The following ASTN2 variants were observed in gnomAD, a reference collection of about 807,000 sequenced individuals.
ASTN2 encodes astrotactin-2.
ASTN2 carries 54 observed loss-of-function variants against 139.8 expected under a neutral mutation model. The ratio of observed to expected loss-of-function variants is 0.39; its 90% CI spans 0.31 to 0.48. The LOEUF (loss-of-function observed/expected upper bound fraction) is 0.48. Ranked by LOEUF, ASTN2 falls within the 20% of genes least tolerant of loss-of-function variation. The pLI, the probability that ASTN2 is intolerant of heterozygous loss-of-function variation, is 0.95. For missense variants in ASTN2, 1,565 were observed against 1,725.1 expected (o/e 0.91, Z 1.64); for synonymous variants, 756 against 719.5 (o/e 1.05, Z -0.81).
At chr9:116,997,967 A>G (rs1373374295) in intron 7 of ASTN2, among the ~76,000 whole-genome samples, 1 of 152,204 alleles carries the variant, frequency 6.6e-6, no homozygotes, top group African/African-American at 2.4e-5. Context: ...TCTGCATTGA[A>G]TGGATTAATC....
intron 1 of ASTN2, among the ~76,000 whole-genome samples, chr9:117,332,297 G>A (rs1747571367): frequency 1.3e-5 from 2 of 152,324 alleles, no homozygotes; most frequent in South Asian, 4.1e-4. Context: ...TTGGCTGGGT[G>A]TGGTGGCTCA....
chr9:116,885,452 G>A (rs1263532185), intron 10 of ASTN2, among the ~76,000 whole-genome samples: 1 of 152,136 alleles, frequency 6.6e-6, no homozygotes, highest in East Asian at 1.9e-4. Context: ...GATCACCTGA[G>A]GTCAAGAGTT....
intron 4 of ASTN2, among the ~76,000 whole-genome samples, chr9:117,104,529 G>A (rs914745169): frequency 1.2e-4 from 18 of 152,086 alleles, no homozygotes; most frequent in African/African-American, 3.4e-4. Context: ...CATGATCTAC[G>A]GTTATGAACA....
chr9:117,095,257 T>C (rs1178446731), intron 5 of ASTN2, among the ~76,000 whole-genome samples: 1 of 152,218 alleles, frequency 6.6e-6, no homozygotes, highest in Non-Finnish European at 1.5e-5. Context: ...CCCATCCTTA[T>C]AGACAATCCA....
intron 13 of ASTN2, among the ~76,000 whole-genome samples, chr9:116,761,276 C>T (rs1010587690): frequency 1.3e-5 from 2 of 152,158 alleles, no homozygotes; most frequent in African/African-American, 4.8e-5. Context: ...CATCCCTTGT[C>T]CTGTTGTCTT....
At chr9:117,137,604 C>A (rs572382923) in intron 4 of ASTN2, among the ~76,000 whole-genome samples, 45 of 152,212 alleles carry the variant, frequency 3.0e-4, no homozygotes, top group Admixed American at 1.0e-3. Context: ...TTGAGTTAAA[C>A]AAAGCAGCCT....
chr9:117,153,214 G>A lies in ASTN2; in HGVS notation c.1016-11736C>T, dbSNP rs565175970. Among the ~76,000 whole-genome samples, 4 of 152,100 alleles carry A rather than the reference G, an allele frequency of 2.6e-5. No homozygotes were observed. In the East Asian group the frequency reaches 7.8e-4, roughly 29 times the overall value. ...TCTGACACCACCAAGAGGAAGGCTT[G>A]TCGCAGCTAGTGTGCTAGATGAAGA... On this transcript the variant is annotated intron_variant, in intron 3 of 22. Transcript: ENST00000313400.
intron 20 of ASTN2, among the ~76,000 whole-genome samples, chr9:116,452,821 G>A (rs1282120361): frequency 6.6e-6 from 1 of 152,154 alleles, no homozygotes; most frequent in Non-Finnish European, 1.5e-5. Context: ...AGTTTATTAG[G>A]AGGATGAACT....
chr9:116,677,418 G>C (rs1859575596), intron 16 of ASTN2, among the ~76,000 whole-genome samples: 1 of 152,168 alleles, frequency 6.6e-6, no homozygotes, highest in Non-Finnish European at 1.5e-5. Flanking sequence ...TTATCTGACA[G>C]TTTTGAGTTT....
At chr9:117,207,528 A>G (rs1209979487) in intron 3 of ASTN2, among the ~76,000 whole-genome samples, 1 of 152,044 alleles carries the variant, frequency 6.6e-6, no homozygotes, top group Non-Finnish European at 1.5e-5. Context: ...TGGCAGATAC[A>G]CACCTAGACC....
intron 2 of ASTN2, among the ~76,000 whole-genome samples, chr9:117,243,956 CAT>C (rs995740779): frequency 3.9e-5 from 6 of 152,150 alleles, no homozygotes; most frequent in Admixed American, 6.5e-5. Flanking sequence ...CTAATCCCCA[CAT>C]GTCTAGGGAG....
chr9:117,280,482 T>C (rs76002750), intron 2 of ASTN2, among the ~76,000 whole-genome samples: 9,750 of 152,210 alleles, frequency 0.064, 1,087 homozygotes, highest in African/African-American at 0.22. Context: ...ACAAGCATCC[T>C]AATGAGAGGC....
At chr9:117,212,934 A>G (rs1430521697) in intron 3 of ASTN2, among the ~76,000 whole-genome samples, 2 of 152,206 alleles carry the variant, frequency 1.3e-5, no homozygotes, top group African/African-American at 4.8e-5. Context: ...ATGACTTGGT[A>G]TTTATCCAAA....
chr9:116,490,303 A>AAAAAAAG (rs1564314423), intron 19 of ASTN2, among the ~76,000 whole-genome samples: 2 of 104,516 alleles, frequency 1.9e-5, no homozygotes, highest in East Asian at 3.2e-4. Context: ...AAAAAAAAAA[A>AAAAAAAG]GGGGGCATTG....
At chr9:116,602,727 G>A (rs920312481) in intron 19 of ASTN2, among the ~76,000 whole-genome samples, 2 of 152,088 alleles carry the variant, frequency 1.3e-5, no homozygotes, top group Non-Finnish European at 2.9e-5. Context: ...TCAGGAGTTC[G>A]AGACCAGCCT....
chr9:117,305,705 C>T (rs11793622), intron 1 of ASTN2, among the ~76,000 whole-genome samples: 5,951 of 152,298 alleles, frequency 0.039, 173 homozygotes, highest in Non-Finnish European at 0.059. Context: ...ACCACTTAAT[C>T]TAAAAATAAT....
intron 3 of ASTN2, among the ~76,000 whole-genome samples, chr9:117,172,373 C>T (rs1830814839): frequency 6.6e-6 from 1 of 151,814 alleles, no homozygotes; most frequent in Non-Finnish European, 1.5e-5. Flanking sequence ...TATCGGGAGG[C>T]ACAGATCTAT....
intron 20 of ASTN2, among the ~76,000 whole-genome samples, chr9:116,446,824 A>G (rs917844941): frequency 6.6e-6 from 1 of 152,204 alleles, no homozygotes; most frequent in African/African-American, 2.4e-5. Context: ...ACAGTAATAC[A>G]GGCTTAGTGT....
chr9:117,138,064 C>T (rs537923289), intron 4 of ASTN2, among the ~76,000 whole-genome samples: 56 of 152,242 alleles, frequency 3.7e-4, no homozygotes, highest in East Asian at 2.9e-3. Context: ...GATGTTAATA[C>T]GCTCATTTAC....
Sources: allele counts gnomAD v4.1 joint callset (sites outside exome capture counted in the v4.1 genomes callset), GRCh38; gene constraint gnomAD v4.1.1; transcripts MANE v1.5; gene names NCBI Gene and HGNC (gene_info 2026-07-23, HGNC 2026-07-21).